Variants in ZBTB25 observed in about 807,000 individuals in gnomAD.
ZBTB25 encodes the protein zinc finger and BTB domain-containing protein 25.
Under a neutral mutation model 34.2 loss-of-function variants are expected in ZBTB25, and 20 were observed. That is an observed-to-expected ratio of 0.58 (90% CI 0.41 to 0.85). ZBTB25 has a LOEUF of 0.85. ZBTB25 is among the 40% of genes least tolerant of loss of function. The probability of loss-of-function intolerance (pLI) is 0.00; values close to 1 mark genes in which losing one functional copy is unlikely to be tolerated. For synonymous variants in ZBTB25, 175 were observed against 186.4 expected (o/e 0.94, Z 0.50); for missense variants, 437 against 521.8 (o/e 0.84, Z 1.58).
chr14:64,458,039 T>G (rs892683780), intron 2 of ZBTB25: 2 of 648,212 alleles, frequency 3.1e-6, no homozygotes, highest in Admixed American at 4.7e-5. Context: ...TACAGGCACA[T>G]GCCATCATAT....
intron 2 of ZBTB25, chr14:64,457,927 C>T: frequency 1.9e-6 from 1 of 531,896 alleles, no homozygotes; most frequent in Non-Finnish European, 3.4e-6. Context: ...TAGACATGGC[C>T]TTGCTCTGTC....
chr14:64,480,117 T>A lies in ZBTB25; in HGVS notation c.*6806A>T. 1 of 172,970 alleles carries A rather than the reference T, an allele frequency of 5.8e-6. No individual in the cohort carries two copies. The allele number at this position is 172,970 out of a possible 1,614,324, so 10.7% of individuals were successfully genotyped here. On this transcript the variant is annotated 3_prime_UTR_variant, in exon 3 of 3. Coordinates refer to ENST00000608382, the MANE Select transcript of ZBTB25 (RefSeq NM_006977.5). ...GGCAGGTGAATCACAAGGTCAGGAG[T>A]TCGAGACCAGCCTGGCCAACATGGT...
chr14:64,504,586 T>G (rs1044284673), upstream of ZBTB25: 1 of 235,094 alleles, frequency 4.3e-6, no homozygotes, highest in African/African-American at 2.3e-5. Context: ...CAGAAACTTG[T>G]TGCAACAAAC....
rs1027716924 is a variant in ZBTB25, at chr14:64,482,916, G to C, written c.*4007C>G. ...TAAGTATTGCTTACACCCACTTTACGGATGGGAAATCAGAAAGAGCAAGAA... is the reference window on the plus strand; with the variant it reads ...TAAGTATTGCTTACACCCACTTTACCGATGGGAAATCAGAAAGAGCAAGAA... On this transcript the variant is annotated 3_prime_UTR_variant, in exon 3 of 3. Coordinates refer to ENST00000608382, the MANE Select transcript of ZBTB25 (RefSeq NM_006977.5). 5 of 152,032 alleles carry C rather than the reference G, an allele frequency of 3.3e-5. No individual in the cohort carries two copies. The highest frequency in any genetic ancestry group is 4.4e-5 in the Non-Finnish European group (3 of 68,018). 9.4% of individuals were successfully genotyped at this position (152,032 alleles called of 1,614,324 possible). A position where few individuals can be genotyped will look rare whatever the true frequency, so the allele number is the denominator to read the frequency against.
At chr14:64,470,221 C>G (rs1254176425) in intron 2 of ZBTB25, 1 of 167,158 alleles carries the variant, frequency 6.0e-6, no homozygotes, top group Non-Finnish European at 1.5e-5. Context: ...TGCATTTTCC[C>G]AATTTCAGCA....
Position 64,489,982 on chromosome 14 carries a change from C to T in ZBTB25, c.173+379G>A, listed in dbSNP as rs889862482. On this transcript the variant is annotated intron_variant, in intron 2 of 2. Transcript: ENST00000608382. ...CAGCACTTTGGGAGGCTGAGGCAGG[C>T]GGATCACCTGAGGTCAGGAGTTTGA... Among the ~76,000 whole-genome samples the T allele has an allele frequency of 1.1e-4, 16 of 150,090 alleles. No homozygotes were observed. In the East Asian group the frequency reaches 2.6e-3, roughly 24 times the overall value.
chr14:64,455,186 G>A (rs2078449425), intron 2 of ZBTB25: 1 of 387,634 alleles, frequency 2.6e-6, no homozygotes, highest in African/African-American at 2.1e-5. Flanking sequence ...CTGGGGTAGT[G>A]CTAACATAAT....
intron 2 of ZBTB25, 77 bp from the exon 3 acceptor site, chr14:64,488,134 A>G (rs2078945949): frequency 6.6e-7 from 1 of 1,517,322 alleles, no homozygotes; most frequent in African/African-American, 1.4e-5. Flanking sequence ...ATAGTCTGAG[A>G]CTAAAGCAAT....
At chr14:64,469,771 T>TGATAAATCTCTCA in intron 2 of ZBTB25, 2 of 925,282 alleles carry the variant, frequency 2.2e-6, no homozygotes, top group Non-Finnish European at 3.2e-6. Context: ...AAATGAGAGA[T>TGATAAATCTCTCA]TTATCATCTC....
intron 2 of ZBTB25, among the ~76,000 whole-genome samples, chr14:64,457,062 T>C (rs1379833962): frequency 6.6e-6 from 1 of 152,212 alleles, no homozygotes; most frequent in Non-Finnish European, 1.5e-5. Flanking sequence ...ACAAATATAA[T>C]TTGTAAGCAT....
intron 2 of ZBTB25, chr14:64,469,386 A>C: frequency 6.2e-7 from 1 of 1,614,072 alleles, no homozygotes; most frequent in Admixed American, 1.7e-5. Flanking sequence ...AAATCAGAAG[A>C]AAGCAAAAGA....
chr14:64,484,999 T>TAAC lies in ZBTB25; in HGVS notation c.*1923_*1924insGTT. The TAAC allele has an allele frequency of 1.0e-6, 1 of 985,088 alleles. No homozygotes were observed. Among genetic ancestry groups the TAAC allele is most frequent in the Non-Finnish European group, 1.2e-6 (1 of 829,594 alleles). The allele number at this position is 985,088 out of a possible 1,614,324, so 61.0% of individuals were successfully genotyped here. On this transcript the variant is annotated 3_prime_UTR_variant, in exon 3 of 3. Coordinates refer to ENST00000608382, the MANE Select transcript of ZBTB25 (RefSeq NM_006977.5). ...TCCCAATACAATTGATCTTATCAAG[T>TAAC]TAGATGTGCTCTCAACACACATCAG...
At chr14:64,468,208 A>G (rs754924574) in intron 2 of ZBTB25, 1 of 428,782 alleles carries the variant, frequency 2.3e-6, no homozygotes, top group Non-Finnish European at 4.1e-6. Flanking sequence ...ATTACAAGCC[A>G]TAGAGAAACT....
intron 2 of ZBTB25, chr14:64,459,882 ATAG>A: frequency 1.3e-6 from 2 of 1,536,036 alleles, no homozygotes; most frequent in Non-Finnish European, 1.7e-6. Context: ...TCTGAAACTA[ATAG>A]TAGGAGTTTC....
At chr14:64,455,207 G>A (rs1343295531) in intron 2 of ZBTB25, 7 of 359,974 alleles carry the variant, frequency 1.9e-5, no homozygotes, top group Non-Finnish European at 3.2e-5. Context: ...CACAGTTAAT[G>A]TTTATTGGGA....
chr14:64,476,502 TA>T (rs68041326), downstream of ZBTB25, among the ~76,000 whole-genome samples: 40,582 of 152,008 alleles, frequency 0.27, 5,695 homozygotes, highest in East Asian at 0.41. Flanking sequence ...TTTCTCTTTT[TA>T]GGAAAGACGG....
At chr14:64,488,746 G>T (rs1322270897) in intron 2 of ZBTB25, among the ~76,000 whole-genome samples, 1 of 152,184 alleles carries the variant, frequency 6.6e-6, no homozygotes, top group South Asian at 2.1e-4. Flanking sequence ...TCTGGGGGTT[G>T]AGAGGGTGAG....
Position 64,500,779 on chromosome 14 carries a change from A to G in ZBTB25, c.-8+2882T>C, listed in dbSNP as rs547631914. On this transcript the variant is annotated intron_variant, in intron 1 of 2. Coordinates refer to ENST00000608382, the MANE Select transcript of ZBTB25 (RefSeq NM_006977.5). ...GATAAAGAAAACATGGACCAGGCAC[A>G]GTGGCTCACACCTATAATCCCAGCA... 5.3e-5 allele frequency among the ~76,000 whole-genome samples: 8 copies of G among 152,010 alleles called. No homozygotes were observed. In the South Asian group the frequency reaches 1.7e-3, roughly 31 times the overall value.
intron 2 of ZBTB25, among the ~76,000 whole-genome samples, chr14:64,463,975 CAT>C (rs1453922110): frequency 2.0e-5 from 3 of 151,946 alleles, no homozygotes; most frequent in African/African-American, 4.8e-5. Flanking sequence ...GCTAGCAACC[CAT>C]AGAGAGATAC....
Sources: allele counts gnomAD v4.1 joint callset (sites outside exome capture counted in the v4.1 genomes callset), GRCh38; gene constraint gnomAD v4.1.1; transcripts MANE v1.5; gene names NCBI Gene and HGNC (gene_info 2026-07-23, HGNC 2026-07-21).